The following CCSER1 variants were observed in gnomAD, a reference collection of about 807,000 sequenced individuals.
CCSER1 encodes the protein serine-rich coiled-coil domain-containing protein 1.
A neutral mutation model predicts 82.0 loss-of-function variants in CCSER1; 41 were observed. That is an observed-to-expected ratio of 0.50 (90% CI 0.39 to 0.65). CCSER1 has a LOEUF of 0.65. CCSER1 is among the 30% of genes least tolerant of loss of function. CCSER1 has a pLI of 0.00. For synonymous variants in CCSER1, 414 were observed against 383.9 expected (o/e 1.08, Z -0.92); for missense variants, 1,119 against 1,064.2 (o/e 1.05, Z -0.72).
chr4:90,323,329 C>A (rs1209390086), intron 3 of CCSER1, among the ~76,000 whole-genome samples: 3 of 152,208 alleles, frequency 2.0e-5, no homozygotes, highest in Admixed American at 2.0e-4. Flanking sequence ...TGCCCAAGGA[C>A]TGAAGTTCTT....
At chr4:90,283,995 C>A (rs1729360931) in intron 1 of CCSER1, among the ~76,000 whole-genome samples, 1 of 151,912 alleles carries the variant, frequency 6.6e-6, no homozygotes, top group African/African-American at 2.4e-5. Flanking sequence ...CAGTTATTTC[C>A]TGTCTTTAGG....
At chr4:90,264,721 G>A (rs1724947937) in intron 1 of CCSER1, among the ~76,000 whole-genome samples, 2 of 151,912 alleles carry the variant, frequency 1.3e-5, no homozygotes, top group South Asian at 2.1e-4. Context: ...TGAGTTTGCT[G>A]GAATATTTTG....
chr4:90,609,303 G>T (rs1009503125), intron 5 of CCSER1, among the ~76,000 whole-genome samples: 1 of 151,926 alleles, frequency 6.6e-6, no homozygotes, highest in Admixed American at 6.6e-5. Flanking sequence ...GATATTAATT[G>T]GTTTATATAT....
At chr4:91,587,617 C>A (rs560118308) in intron 10 of CCSER1, among the ~76,000 whole-genome samples, 1 of 151,824 alleles carries the variant, frequency 6.6e-6, no homozygotes, top group East Asian at 1.9e-4. Flanking sequence ...TTCTGCATAT[C>A]CATCGTTCAT....
chr4:91,334,768 G>A (rs752390966), intron 10 of CCSER1, among the ~76,000 whole-genome samples: 3 of 152,044 alleles, frequency 2.0e-5, no homozygotes, highest in Admixed American at 1.3e-4. Flanking sequence ...AGTTGAGTGG[G>A]ACAGTTTCCC....
chr4:90,614,850 CAG>C (rs1720897884), intron 5 of CCSER1, among the ~76,000 whole-genome samples: 1 of 152,164 alleles, frequency 6.6e-6, no homozygotes, highest in African/African-American at 2.4e-5. Context: ...CACTGGCAAA[CAG>C]ATTTTCAAGG....
rs1560716789 is a variant in CCSER1 at position 91,496,705 on chromosome 4, TA to T, written c.2218-101866del. 2.7e-3 allele frequency among the ~76,000 whole-genome samples: 110 copies of T among 40,410 alleles called. 25 individuals are homozygous for T. Among genetic ancestry groups the T allele is most frequent in the African/African-American group, 4.2e-3 (64 of 15,310 alleles). The allele number at this position is 40,410 out of a possible 152,430, so 26.5% of individuals were successfully genotyped here. On this transcript the variant is annotated intron_variant, in intron 10 of 10. Coordinates refer to ENST00000509176, the MANE Select transcript of CCSER1 (RefSeq NM_001145065.2). The stretch of plus-strand genomic sequence containing the variant: ...TGAATATATATATATTCAATATATA[TA>T]TATATTCAATATATAGAATATATAT...
At chr4:91,046,732 T>C (rs1388690615) in intron 9 of CCSER1, among the ~76,000 whole-genome samples, 3 of 152,132 alleles carry the variant, frequency 2.0e-5, no homozygotes, top group Non-Finnish European at 4.4e-5. Context: ...TGGGAGCTTT[T>C]TTTTTAGATG....
chr4:90,821,780 T>C (rs1422202786), intron 8 of CCSER1, among the ~76,000 whole-genome samples: 2 of 152,188 alleles, frequency 1.3e-5, no homozygotes, highest in Admixed American at 1.3e-4. Context: ...TGTCTTTCCC[T>C]CAGCTATTTT....
chr4:90,870,782 T>C (rs562425882), intron 8 of CCSER1, among the ~76,000 whole-genome samples: 2 of 149,940 alleles, frequency 1.3e-5, no homozygotes, highest in Non-Finnish European at 3.0e-5. Context: ...AAATGTCTGA[T>C]AAAATTTAGC....
chr4:91,376,007 T>C (rs1360585969), intron 10 of CCSER1, among the ~76,000 whole-genome samples: 7 of 152,152 alleles, frequency 4.6e-5, no homozygotes, highest in East Asian at 1.9e-4. Context: ...TTAATGTTTT[T>C]ATAATCTGAA....
intron 3 of CCSER1, among the ~76,000 whole-genome samples, chr4:90,370,954 T>C (rs908480115): frequency 6.6e-6 from 1 of 152,072 alleles, no homozygotes; most frequent in African/African-American, 2.4e-5. Context: ...AACATTTTTC[T>C]TTAGTTAGTG....
chr4:90,347,103 A>G (rs1429505578), intron 3 of CCSER1, among the ~76,000 whole-genome samples: 2 of 152,308 alleles, frequency 1.3e-5, no homozygotes, highest in East Asian at 1.9e-4. Flanking sequence ...ACTTAATTTT[A>G]TATTCCTGTA....
chr4:90,617,062 CAT>C (rs1331063572), intron 5 of CCSER1, among the ~76,000 whole-genome samples: 1 of 152,068 alleles, frequency 6.6e-6, no homozygotes, highest in African/African-American at 2.4e-5. Flanking sequence ...CTAAAGGTGA[CAT>C]AATTTAAAAT....
At chr4:90,971,986 A>C (rs930375905) in intron 9 of CCSER1, among the ~76,000 whole-genome samples, 4 of 151,942 alleles carry the variant, frequency 2.6e-5, no homozygotes, top group African/African-American at 9.7e-5. Flanking sequence ...TAAAGAAAGA[A>C]TGTACCTCAA....
chr4:91,249,876 C>A (rs1740116762), intron 10 of CCSER1, among the ~76,000 whole-genome samples: 1 of 151,816 alleles, frequency 6.6e-6, no homozygotes, highest in Non-Finnish European at 1.5e-5. Context: ...TTAATCTTAA[C>A]TCCAAGAACT....
In CCSER1 at chr4:91,325,842, T is replaced by C. The variant is rs533455376; in HGVS notation, c.2217+239848T>C. ...AAAGTATAATTAAATATTTATAACT[T>C]ACACTGGTATTTTCTCAGAACAAAA... On this transcript the variant is annotated intron_variant, in intron 10 of 10. Transcript: ENST00000509176. Among the ~76,000 whole-genome samples, 8 of 152,328 alleles carry C rather than the reference T, an allele frequency of 5.3e-5. No homozygotes were observed. The South Asian group carries it at 1.7e-3, about 32-fold the overall frequency.
chr4:91,352,834 G>T (rs967053697), intron 10 of CCSER1, among the ~76,000 whole-genome samples: 1 of 152,186 alleles, frequency 6.6e-6, no homozygotes, highest in Non-Finnish European at 1.5e-5. Flanking sequence ...ACACAGAAGT[G>T]AACAAGCATA....
chr4:90,872,084 G>C (rs1410477112), intron 8 of CCSER1, among the ~76,000 whole-genome samples: 1 of 151,602 alleles, frequency 6.6e-6, no homozygotes, highest in Non-Finnish European at 1.5e-5. Flanking sequence ...ATCCTGTAGA[G>C]AGCAGATAGT....
Sources: gnomAD v4.1 joint callset for allele counts (sites outside exome capture counted in the v4.1 genomes callset) on GRCh38, gnomAD v4.1.1 for gene constraint, MANE v1.5 for transcripts, NCBI Gene and HGNC (gene_info 2026-07-23, HGNC 2026-07-21) for gene names.